The following ZNF407 variants were observed in gnomAD, a reference collection of about 807,000 sequenced individuals.
ZNF407 encodes zinc finger protein 407.
A neutral mutation model predicts 131.2 loss-of-function variants in ZNF407; 17 were observed. The ratio of observed to expected loss-of-function variants is 0.13; its 90% CI spans 0.09 to 0.19. The LOEUF (loss-of-function observed/expected upper bound fraction) is 0.19. Ranked by LOEUF, ZNF407 falls within the 10% of genes least tolerant of loss-of-function variation. The pLI, the probability that ZNF407 is intolerant of heterozygous loss-of-function variation, is 1.00. For synonymous variants in ZNF407, 1,156 were observed against 1,062.0 expected (o/e 1.09, Z -1.72); for missense variants, 2,681 against 2,830.6 (o/e 0.95, Z 1.20).
chr18:74,663,369 G>A (rs1413173243), intron 3 of ZNF407, among the ~76,000 whole-genome samples: 1 of 152,114 alleles, frequency 6.6e-6, no homozygotes, highest in Non-Finnish European at 1.5e-5. Context: ...TAAAAGGCAA[G>A]TTTATCACAT....
intron 3 of ZNF407, among the ~76,000 whole-genome samples, chr18:74,666,502 A>G (rs1025077165): frequency 6.6e-6 from 1 of 152,114 alleles, no homozygotes; most frequent in African/African-American, 2.4e-5. Context: ...TGTCTCCTGT[A>G]TCCTCCCGCT....
chr18:74,810,639 TGA>T (rs1029980289), intron 4 of ZNF407, among the ~76,000 whole-genome samples: 4 of 152,216 alleles, frequency 2.6e-5, no homozygotes, highest in Non-Finnish European at 5.9e-5. Flanking sequence ...TCTCTAGTTT[TGA>T]GAGTCCTTTT....
intron 3 of ZNF407, among the ~76,000 whole-genome samples, chr18:74,661,230 A>C (rs1032991785): frequency 6.6e-6 from 1 of 152,092 alleles, no homozygotes; most frequent in African/African-American, 2.4e-5. Context: ...TGTAGCCTGC[A>C]ATAGTCAGTC....
intron 4 of ZNF407, among the ~76,000 whole-genome samples, chr18:74,839,466 C>G (rs1251033216): frequency 6.6e-6 from 1 of 152,150 alleles, no homozygotes. Context: ...TTATGGAAAC[C>G]TTAGCTGTGC....
intron 8 of ZNF407, among the ~76,000 whole-genome samples, chr18:75,032,731 TG>T (rs201156694): frequency 1.5e-4 from 21 of 142,676 alleles, no homozygotes; most frequent in East Asian, 1.5e-3. Context: ...GTGCTCGGAA[TG>T]GGGGGAAGAT....
rs551046513 is a variant in ZNF407 at position 74,801,739 on chromosome 18, A to G, written c.4877+20237A>G. Among the ~76,000 whole-genome samples, 7 of 152,296 alleles carry G rather than the reference A, an allele frequency of 4.6e-5. 1 individual carries two copies. The highest frequency in any genetic ancestry group is 1.7e-4 in the African/African-American group (7 of 41,564). ...GCCAGGGCTAGTTTATGAACTTCACATGGAAGAGCGTTTTGTAGTGTCAGT... is the reference window on the plus strand; with the variant it reads ...GCCAGGGCTAGTTTATGAACTTCACGTGGAAGAGCGTTTTGTAGTGTCAGT... On this transcript the variant is annotated intron_variant, in intron 4 of 8. Transcript: ENST00000299687.
intron 8 of ZNF407, among the ~76,000 whole-genome samples, chr18:75,054,343 A>G (rs1327478872): frequency 3.9e-5 from 6 of 152,250 alleles, no homozygotes; most frequent in African/African-American, 1.4e-4. Context: ...TTTGCTTTCT[A>G]CCTTCATATG....
intron 3 of ZNF407, among the ~76,000 whole-genome samples, chr18:74,740,358 A>G (rs1181964303): frequency 2.6e-5 from 4 of 152,184 alleles, no homozygotes; most frequent in Admixed American, 1.3e-4. Flanking sequence ...TCTGATGTAT[A>G]GATTCTTAAC....
intron 6 of ZNF407, among the ~76,000 whole-genome samples, chr18:74,882,639 A>G (rs982683564): frequency 2.0e-5 from 3 of 152,224 alleles, no homozygotes; most frequent in East Asian, 3.9e-4. Context: ...GGAAATTTCA[A>G]TGTTTAGCAC....
chr18:74,708,208 G>T (rs1967672621), intron 3 of ZNF407, among the ~76,000 whole-genome samples: 1 of 152,178 alleles, frequency 6.6e-6, no homozygotes, highest in Non-Finnish European at 1.5e-5. Flanking sequence ...CAAAGATAGA[G>T]TTACTGCTTT....
chr18:74,701,322 C>T (rs1967488821), intron 3 of ZNF407, among the ~76,000 whole-genome samples: 1 of 152,198 alleles, frequency 6.6e-6, no homozygotes, highest in Non-Finnish European at 1.5e-5. Flanking sequence ...GTGTGTTGAG[C>T]ATCTCATCGC....
chr18:74,661,414 TTA>T (rs1387309355), intron 3 of ZNF407, among the ~76,000 whole-genome samples: 1 of 148,640 alleles, frequency 6.7e-6, no homozygotes, highest in Non-Finnish European at 1.5e-5. Context: ...TATAAGCATT[TTA>T]TATATATGTT....
intron 3 of ZNF407, among the ~76,000 whole-genome samples, chr18:74,707,773 C>CT (rs1325165358): frequency 6.6e-6 from 1 of 152,166 alleles, no homozygotes; most frequent in African/African-American, 2.4e-5. Flanking sequence ...TCTTTGTCTA[C>CT]TTTTTTGAGA....
chr18:74,983,542 T>C (rs1972617967), intron 8 of ZNF407, among the ~76,000 whole-genome samples: 1 of 152,238 alleles, frequency 6.6e-6, no homozygotes, highest in African/African-American at 2.4e-5. Context: ...GTTGCTTTTT[T>C]GAATGATTTA....
At chr18:74,918,567 G>A (rs1388348323) in intron 7 of ZNF407, among the ~76,000 whole-genome samples, 1 of 152,164 alleles carries the variant, frequency 6.6e-6, no homozygotes, top group East Asian at 1.9e-4. Flanking sequence ...ACTCATGAGA[G>A]AAAGAAGCTT....
chr18:74,843,250 C>T (rs1312298557), intron 4 of ZNF407, among the ~76,000 whole-genome samples: 1 of 152,044 alleles, frequency 6.6e-6, no homozygotes, highest in African/African-American at 2.4e-5. Flanking sequence ...TGGAAACTAA[C>T]CCTGTTAAAA....
intron 6 of ZNF407, among the ~76,000 whole-genome samples, chr18:74,883,365 G>A (rs1971264342): frequency 6.6e-6 from 1 of 152,078 alleles, no homozygotes; most frequent in Admixed American, 6.5e-5. Flanking sequence ...AGACTTGTAT[G>A]GTGCATTTGA....
intron 4 of ZNF407, among the ~76,000 whole-genome samples, chr18:74,809,985 T>A (rs181296053): frequency 2.6e-5 from 4 of 152,344 alleles, no homozygotes. Flanking sequence ...TGCCTTTAAC[T>A]GAGATGCAAA....
chr18:74,808,287 T>C (rs1970143911), intron 4 of ZNF407, among the ~76,000 whole-genome samples: 1 of 152,210 alleles, frequency 6.6e-6, no homozygotes, highest in Non-Finnish European at 1.5e-5. Context: ...GTGCTGGGAT[T>C]ATAGGTGTGA....
Sources: gnomAD v4.1 joint callset for allele counts (sites outside exome capture counted in the v4.1 genomes callset) on GRCh38, gnomAD v4.1.1 for gene constraint, MANE v1.5 for transcripts, NCBI Gene and HGNC (gene_info 2026-07-23, HGNC 2026-07-21) for gene names.